The following UPF2 variants were observed in gnomAD, a reference collection of about 807,000 sequenced individuals.
The protein encoded by UPF2 is regulator of nonsense transcripts 2.
In UPF2, 17 loss-of-function variants were observed where a neutral mutation model predicts 141.4. That is an observed-to-expected ratio of 0.12 (90% confidence interval 0.08 to 0.18). The LOEUF (loss-of-function observed/expected upper bound fraction) is 0.18, where lower values mean the gene tolerates loss of function less well. UPF2 is among the 10% of genes least tolerant of loss of function. UPF2 has a pLI of 1.00. For synonymous variants in UPF2, 540 were observed against 498.0 expected, an observed-to-expected ratio of 1.08 and a Z score of -1.12; for missense variants, 1,152 against 1,515.9, an observed-to-expected ratio of 0.76 and a Z score of 3.99.
chr10:12,003,497 A>G (rs910888417), intron 5 of UPF2, among the ~76,000 whole-genome samples: 4 of 152,210 alleles, frequency 2.6e-5, no homozygotes, highest in African/African-American at 9.6e-5. Flanking sequence ...AATTAAGGGT[A>G]ATAGAGTTGT....
In UPF2 at chr10:12,014,016, T is replaced by C. The variant is rs377553464; in HGVS notation, c.1306+8A>G. The C allele has an allele frequency of 3.4e-5, 52 of 1,527,394 alleles. No homozygotes were observed. Among genetic ancestry groups the C allele is most frequent in the Non-Finnish European group, 4.6e-5 (52 of 1,131,086 alleles). 94.6% of individuals were successfully genotyped at this position (1,527,394 alleles called of 1,614,324 possible). On this transcript the variant is annotated splice_region_variant and intron_variant, in intron 4 of 21. Coordinates refer to ENST00000357604, the MANE Select transcript of UPF2 (RefSeq NM_015542.4). The surrounding 1 kb of genome is among the most constrained non-coding windows in gnomAD (Gnocchi z 5.0). ...AACACAATGTTTGTTTTTAAGGATA[T>C]CTCTTACCTTCTGGTGTTGGTTTGT...
At chr10:12,004,495 G>T in intron 5 of UPF2, 35 bp downstream of exon 5, 3 of 1,507,062 alleles carry the variant, frequency 2.0e-6, no homozygotes, top group South Asian at 1.3e-5. Flanking sequence ...AATTCTTATA[G>T]CACTTAATGT....
rs1381848362 is a variant in UPF2 at position 12,016,055 on chromosome 10, GT to G, written c.1146-1872del. ...TACAAACACAAACAAAATTTTTTCA[GT>G]AATTTTGTGAATGAATTTTAAAAAT... On this transcript the variant is annotated intron_variant, in intron 3 of 21. Coordinates refer to ENST00000357604, the MANE Select transcript of UPF2 (RefSeq NM_015542.4). The surrounding 1 kb of genome is among the most constrained non-coding windows in gnomAD (Gnocchi z 4.1). Among the ~76,000 whole-genome samples, 5 of 151,956 alleles carry G rather than the reference GT, an allele frequency of 3.3e-5. No homozygotes were observed. The highest frequency in any genetic ancestry group is 1.2e-4 in the African/African-American group (5 of 41,376).
intron 8 of UPF2, among the ~76,000 whole-genome samples, chr10:11,990,989 CAAA>C (rs34436794): frequency 7.5e-5 from 7 of 93,224 alleles, no homozygotes; most frequent in Non-Finnish European, 9.5e-5. Context: ...GACTCCATCT[CAAA>C]AAAAAAAAAA....
At chr10:11,947,786 CAAA>C (rs58897556) in intron 16 of UPF2, among the ~76,000 whole-genome samples, 3 of 65,576 alleles carry the variant, frequency 4.6e-5, no homozygotes, top group Admixed American at 2.0e-4. Flanking sequence ...AACCTTGTCT[CAAA>C]AAAAAAAAAA....
At chr10:12,005,477 G>A (rs1834020608) in intron 4 of UPF2, among the ~76,000 whole-genome samples, 1 of 152,180 alleles carries the variant, frequency 6.6e-6, no homozygotes, top group Non-Finnish European at 1.5e-5. Flanking sequence ...CTGATTAGTA[G>A]AAGTCGTCTT....
intron 8 of UPF2, among the ~76,000 whole-genome samples, chr10:11,984,168 G>A (rs1431283822): frequency 2.0e-5 from 3 of 152,070 alleles, no homozygotes; most frequent in South Asian, 2.1e-4. Flanking sequence ...GTGACCCGCC[G>A]CCTTTGCCTC....
rs979842352 is a variant in UPF2, at chr10:11,992,302, G to A, written c.1844+5370C>T. 6.6e-6 allele frequency among the ~76,000 whole-genome samples: 1 copy of A among 152,274 alleles called. No homozygotes were observed. Among genetic ancestry groups the A allele is most frequent in the Admixed American group, 6.5e-5 (1 of 15,290 alleles). ...AAGTCAGGTGTGCCGCTTGCCTACTGAAATAATGCTGAAAGTTAAATATCA... is the reference window on the plus strand; with the variant it reads ...AAGTCAGGTGTGCCGCTTGCCTACTAAAATAATGCTGAAAGTTAAATATCA... On this transcript the variant is annotated intron_variant, in intron 8 of 21. Transcript: ENST00000357604. The surrounding 1 kb of genome is among the most constrained non-coding windows in gnomAD (Gnocchi z 4.1).
intron 8 of UPF2, among the ~76,000 whole-genome samples, chr10:11,995,155 C>G (rs1246807225): frequency 6.6e-6 from 1 of 152,032 alleles, no homozygotes; most frequent in Non-Finnish European, 1.5e-5. Flanking sequence ...TAGAGGATAG[C>G]TCTTGTTAAA....
chr10:11,964,555 C>T (rs570616529), intron 10 of UPF2, among the ~76,000 whole-genome samples: 103 of 152,238 alleles, frequency 6.8e-4, no homozygotes, highest in African/African-American at 2.4e-3. Context: ...TAATCATTTA[C>T]GCGTATTTCT....
rs746117868 is a variant in UPF2 at position 11,985,884 on chromosome 10, C to CTTTTTTTTTTTTTT, written c.1845-6733_1845-6720dup. ...CAACTGAAAAATAATTAGATCCTTC[C>CTTTTTTTTTTTTTT]TTTTTTTTTTTTTTTTGTGAGACGG... On this transcript the variant is annotated intron_variant, in intron 8 of 21. Transcript: ENST00000357604. Among the ~76,000 whole-genome samples the CTTTTTTTTTTTTTT allele has an allele frequency of 6.2e-3, 620 of 100,662 alleles. 26 individuals are homozygous for CTTTTTTTTTTTTTT. The highest frequency in any genetic ancestry group is 9.6e-3 in the East Asian group (27 of 2,798). 66.0% of individuals were successfully genotyped at this position (100,662 alleles called of 152,430 possible).
In UPF2 at chr10:12,035,367, G is replaced by A; in HGVS notation, c.57C>T (p.Asn19=). The A allele has an allele frequency of 6.2e-7, 1 of 1,602,542 alleles. No individual in the cohort carries two copies. The highest frequency in any genetic ancestry group is 8.5e-7 in the Non-Finnish European group (1 of 1,177,322). Residue 19 remains asparagine (N), a synonymous_variant, in exon 2 of 22, where the codon AAC becomes AAT. Coordinates refer to ENST00000357604, the MANE Select transcript of UPF2 (RefSeq NM_015542.4). ...ASMEEKDSLP[N]NKEKDCSERR... The stretch of plus-strand genomic sequence containing the variant: ...TTTCACTGCAGTCTTTTTCCTTGTT[G>A]TTTGGTAAAGAGTCTTTTTCTTCCA...
At chr10:11,958,153 G>C (rs1025290046) in intron 12 of UPF2, among the ~76,000 whole-genome samples, 2 of 152,216 alleles carry the variant, frequency 1.3e-5, no homozygotes, top group Admixed American at 6.5e-5. Flanking sequence ...AGGAGTTCGA[G>C]ACCAGCCTGT....
chr10:11,994,743 G>A (rs1414932885), intron 8 of UPF2, among the ~76,000 whole-genome samples: 1 of 152,016 alleles, frequency 6.6e-6, no homozygotes, highest in East Asian at 1.9e-4. Flanking sequence ...TTGGGAGGCC[G>A]AGGCGGGTGG....
chr10:12,028,532 G>A (rs1834459639), intron 3 of UPF2, among the ~76,000 whole-genome samples: 1 of 152,132 alleles, frequency 6.6e-6, no homozygotes, highest in African/African-American at 2.4e-5. Flanking sequence ...CTACTTGGCA[G>A]ATTTTTTTAA....
chr10:11,973,359 C>T (rs569960880), intron 9 of UPF2, among the ~76,000 whole-genome samples: 1 of 152,164 alleles, frequency 6.6e-6, no homozygotes, highest in Non-Finnish European at 1.5e-5. Flanking sequence ...ATGGTAGTTT[C>T]TTTTGCTGTG....
chr10:12,026,799 C>A, intron 3 of UPF2: 2 of 383,296 alleles, frequency 5.2e-6, no homozygotes, highest in South Asian at 3.9e-5. Context: ...ATTACCGGGG[C>A]CTGCCACCAT....
chr10:11,981,841 G>A (rs1423726151), intron 8 of UPF2, among the ~76,000 whole-genome samples: 1 of 152,008 alleles, frequency 6.6e-6, no homozygotes, highest in Non-Finnish European at 1.5e-5. Flanking sequence ...AAGCACCACC[G>A]TGCCCGGCTA....
rs1833799662 is a variant in UPF2 at position 11,992,706 on chromosome 10, T to TA, written c.1844+4965dup. On this transcript the variant is annotated intron_variant, in intron 8 of 21. Coordinates refer to ENST00000357604, the MANE Select transcript of UPF2 (RefSeq NM_015542.4). The surrounding 1 kb of genome is among the most constrained non-coding windows in gnomAD (Gnocchi z 4.1). ...TAAATTACTTTCATTAAAAGAAACA[T>TA]ACTTTCAGAATATGTCTGAGAGTAA... 6.6e-6 allele frequency among the ~76,000 whole-genome samples: 1 copy of TA among 152,162 alleles called. No individual in the cohort carries two copies. Among genetic ancestry groups the TA allele is most frequent in the South Asian group, 2.1e-4 (1 of 4,834 alleles).
Sources: allele counts gnomAD v4.1 joint callset (sites outside exome capture counted in the v4.1 genomes callset), GRCh38; gene constraint gnomAD v4.1.1; non-coding constraint Gnocchi (gnomAD v3.1); transcripts MANE v1.5; gene names NCBI Gene and HGNC (gene_info 2026-07-23, HGNC 2026-07-21).